The following TTN variants were observed in gnomAD, a reference collection of about 807,000 sequenced individuals.
The protein encoded by TTN is connectin.
A neutral mutation model predicts 3,223.0 loss-of-function variants in TTN; 1,525 were observed. The ratio of observed to expected loss-of-function variants is 0.47; its 90% CI spans 0.45 to 0.49. The LOEUF is 0.49. Ranked by LOEUF, TTN falls within the 20% of genes least tolerant of loss-of-function variation. The pLI is 0.00. For missense variants in TTN, 40,786 were observed against 43,424.0 expected (o/e 0.94, Z 5.40); for synonymous variants, 14,094 against 15,161.0 (o/e 0.93, Z 5.17).
rs1558992830 is a variant in TTN at position 178,531,030 on chromosome 2, A to G, written c.105585T>C (p.Asp35195=). Residue 35195 remains aspartate (D), a synonymous_variant, in exon 358 of 363, where the codon GAT becomes GAC. Transcript: ENST00000589042. ...CTACCACCACGCTGTAATTGCCCTC[A>G]TCGGAAGCCTGGACTGAAGAGATCT... The part of the protein sequence containing the change: ...TFEISSVQAS[D]EGNYSVVVEN... 2.5e-6 allele frequency: 4 copies of G among 1,613,870 alleles called. No individual in the cohort carries two copies. The highest frequency in any genetic ancestry group is 1.6e-4 in the Middle Eastern group (1 of 6,062).
chr2:178,775,648 A>G lies in TTN; in HGVS notation c.6216T>C (p.Ser2072=). The G allele has an allele frequency of 1.2e-6, 2 of 1,614,058 alleles. No individual in the cohort carries two copies. Among genetic ancestry groups the G allele is most frequent in the Non-Finnish European group, 1.7e-6 (2 of 1,179,984 alleles). ...PTFKPDKIEL[S]PSMEAPKIFE... is the part of the protein sequence containing the mutation. The stretch of plus-strand genomic sequence containing the variant: ...AGATTTTTGGAGCCTCCATACTAGG[A>G]CTTAGTTCAATCTTGTCAGGTTTAA... Residue 2072 remains serine (S), a synonymous_variant, in exon 28 of 363, where the codon AGT becomes AGC. Transcript: ENST00000589042.
chr2:178,535,617 G>C lies in TTN; in HGVS notation c.100998C>G (p.Phe33666Leu), dbSNP rs752263533. The C allele has an allele frequency of 3.9e-5, 63 of 1,613,640 alleles. No individual in the cohort carries two copies. The highest frequency in any genetic ancestry group is 1.1e-4 in the South Asian group (10 of 91,080). ...PNGVERKDAGFYVVCAKNRFG... is the reference protein window; with the variant it reads ...PNGVERKDAGLYVVCAKNRFG... ...ATCTGTTTTTAGCACAGACCACATA[G>C]AAACCAGCATCTTTTCTCTCTACCC... is the stretch of plus-strand genomic sequence containing the variant. The change falls in exon 358 of 363, where the codon TTC becomes TTG. Residue 33666 changes from phenylalanine to leucine, a missense_variant. Coordinates refer to ENST00000589042, the MANE Select transcript of TTN (RefSeq NM_001267550.2).
rs1291703322 is a variant in TTN at position 178,776,104 on chromosome 2, C to T, written c.5760G>A (p.Val1920=). 2.5e-6 allele frequency: 4 copies of T among 1,614,156 alleles called. No individual in the cohort carries two copies. Among genetic ancestry groups the T allele is most frequent in the Non-Finnish European group, 3.4e-6 (4 of 1,179,996 alleles). Residue 1920 remains valine, a synonymous_variant, in exon 28 of 363, where the codon GTG becomes GTA. Transcript: ENST00000589042. ...VKVTAENPEG[V]IEHKVKLEIQ... is the part of the protein sequence containing the mutation. Reference sequence around the variant, plus strand: ...TCTCAAGCTTCACTTTATGCTCTATCACACCTTCAGGATTTTCCGCGGTGA... The same window carrying T: ...TCTCAAGCTTCACTTTATGCTCTATTACACCTTCAGGATTTTCCGCGGTGA...
chr2:178,729,599 C>T, intron 63 of TTN, 33 bp from the exon 64 acceptor site: 1 of 1,612,624 alleles, frequency 6.2e-7, no homozygotes, highest in Non-Finnish European at 8.5e-7. Context: ...GTAGCTTACT[C>T]AAGGGAAGAC....
chr2:178,573,318 AT>A lies in TTN; in HGVS notation c.72813del (p.Lys24271AsnfsTer10). The A allele has an allele frequency of 6.4e-7, 1 of 1,567,750 alleles. No homozygotes were observed. The highest frequency in any genetic ancestry group is 8.6e-7 in the Non-Finnish European group (1 of 1,157,790). On this transcript the variant is annotated frameshift_variant, in exon 326 of 363. Transcript: ENST00000589042. LOFTEE classifies it high-confidence loss of function. ...AAATCAGTAAGAGTTTTTTTGTTGCATTTAATCCAGCGTTGGCCAGCTTTAT... is the reference window on the plus strand; with the variant it reads ...AAATCAGTAAGAGTTTTTTTGTTGCATTAATCCAGCGTTGGCCAGCTTTAT... The part of the protein sequence containing the change: ...RRDKAGQRWI[K>X]CNKKTLTDLR...
chr2:178,642,112 C>T, intron 219 of TTN, 125 bp downstream of exon 219: 1 of 709,716 alleles, frequency 1.4e-6, no homozygotes, highest in South Asian at 3.6e-5. Context: ...AATGAAACTA[C>T]AAACAAATTT....
intron 1 of TTN, among the ~76,000 whole-genome samples, chr2:178,806,510 A>AGAT (rs1279708606): frequency 2.0e-5 from 3 of 152,254 alleles, no homozygotes; most frequent in African/African-American, 7.2e-5. Context: ...ATGCATGAAG[A>AGAT]GATTCTGAAT....
At position 178,647,420 on chromosome 2, in the gene TTN, C is replaced by G. The variant is rs1006642777; in HGVS notation, c.40102G>C (p.Val13368Leu). Residue 13368 changes from valine to leucine, a missense_variant, in exon 214 of 363, where the codon GTG (valine) becomes CTG (leucine). Val to Leu is a conservative substitution (Grantham distance 32). Transcript: ENST00000589042. ...EKIIPEKEVS[V>L]PIPAEPEVPP... is the part of the protein sequence containing the mutation. ...ACTTCTGGCTCTGCAGGGATAGGCA[C>G]AGACACTTCCTTTTCTGGGATGATT... The G allele has an allele frequency of 1.3e-6, 2 of 1,549,648 alleles. No homozygotes were observed. Among genetic ancestry groups the G allele is most frequent in the Non-Finnish European group, 1.7e-6 (2 of 1,146,492 alleles).
In TTN at chr2:178,689,093, T is replaced by A; in HGVS notation, c.32055A>T (p.Ala10685=). The stretch of plus-strand genomic sequence containing the variant: ...CTTTCTTAGCGACAGGAACTGGCAC[T>A]GCAACTTTCTCCTCTGGGACGGGTT... ...PKKPVPEEKV[A]VPVPVAKKAP... The change falls in exon 125 of 363, where the codon GCA becomes GCT. Residue 10685 remains alanine, a synonymous_variant. Transcript: ENST00000589042. 2 of 1,610,272 alleles carry A rather than the reference T, an allele frequency of 1.2e-6. No individual in the cohort carries two copies. Among genetic ancestry groups the A allele is most frequent in the Non-Finnish European group, 1.7e-6 (2 of 1,179,138 alleles).
Position 178,547,841 on chromosome 2 carries a change from A to T in TTN, c.93785T>A (p.Val31262Glu). 1.2e-6 allele frequency: 2 copies of T among 1,613,736 alleles called. No homozygotes were observed. The highest frequency in any genetic ancestry group is 1.7e-6 in the Non-Finnish European group (2 of 1,179,816). Reference sequence around the variant, plus strand: ...TCTGTCTTTTGTTGTTGTAATGCTCACTCGATCTGTCTCTTTAAGTCTCAT... The same window carrying T: ...TCTGTCTTTTGTTGTTGTAATGCTCTCTCGATCTGTCTCTTTAAGTCTCAT... The part of the protein sequence containing the change: ...EEMRLKETDR[V>E]SITTTKDRTT... The change falls in exon 339 of 363, where the codon GTG (valine) becomes GAG (glutamate). Residue 31262 changes from valine to glutamate, a missense_variant. Transcript: ENST00000589042.
At chr2:178,709,937 C>G in intron 98 of TTN, 81 bp from the exon 99 acceptor site, 1 of 1,417,092 alleles carries the variant, frequency 7.1e-7, no homozygotes, top group Non-Finnish European at 9.5e-7. Flanking sequence ...AAAAAACCCT[C>G]ATATTTTTAG....
In TTN at chr2:178,647,067, C is replaced by T; in HGVS notation, c.40219G>A (p.Glu13407Lys). 8.3e-7 allele frequency: 1 copy of T among 1,208,416 alleles called. No individual in the cohort carries two copies. The highest frequency in any genetic ancestry group is 1.1e-6 in the Non-Finnish European group (1 of 916,442). 74.9% of individuals were successfully genotyped at this position (1,208,416 alleles called of 1,614,324 possible). Residue 13407 changes from glutamate to lysine, a missense_variant, in exon 215 of 363, where the codon GAA (glutamate) becomes AAA (lysine). By Grantham distance (56) the Glu-to-Lys change is moderately conservative. Coordinates refer to ENST00000589042, the MANE Select transcript of TTN (RefSeq NM_001267550.2). ...ATATATATATATATATATATACCTT[C>T]AACAGGGGGAGTCTCTTTTCTACCA... is the stretch of plus-strand genomic sequence containing the variant. ...TIGRKETPPV[E>K]EREIEKYIKP...
rs764421567 is a variant in TTN at position 178,597,829 on chromosome 2, A to G, written c.57263-10T>C. The G allele has an allele frequency of 1.1e-5, 18 of 1,612,648 alleles. No individual in the cohort carries two copies. The highest frequency in any genetic ancestry group is 1.5e-5 in the Non-Finnish European group (18 of 1,179,458). ...TGAAGGTCAGGTGAAACTGGAAGCA[A>G]TTGAAAATTACAAATGTGATTTTTC... On this transcript the variant is annotated splice_polypyrimidine_tract_variant and intron_variant, in intron 293 of 362. Coordinates refer to ENST00000589042, the MANE Select transcript of TTN (RefSeq NM_001267550.2).
Position 178,695,957 on chromosome 2 carries a change from T to C in TTN, c.31115A>G (p.Glu10372Gly). 6.5e-7 allele frequency: 1 copy of C among 1,535,368 alleles called. No individual in the cohort carries two copies. Among genetic ancestry groups the C allele is most frequent in the Non-Finnish European group, 8.8e-7 (1 of 1,140,514 alleles). The stretch of plus-strand genomic sequence containing the variant: ...CCCTTCGTCATAGCCTTCTTCCCTT[T>C]CATAGTATTCTTGCCCTTCTTCAAA... ...EDFEEGQEYY[E>G]REEGYDEGEE... The change falls in exon 114 of 363, where the codon GAA (glutamate) becomes GGA (glycine). Residue 10372 changes from glutamate to glycine, a missense_variant. Transcript: ENST00000589042.
chr2:178,540,696 T>TG (rs1350027996), intron 350 of TTN, among the ~76,000 whole-genome samples: 1 of 152,050 alleles, frequency 6.6e-6, no homozygotes, highest in Non-Finnish European at 1.5e-5. Flanking sequence ...CTCAGGAGGC[T>TG]GAGGCAGAAG....
chr2:178,587,093 A>G, intron 307 of TTN, 25 bp downstream of exon 307: 3 of 1,611,742 alleles, frequency 1.9e-6, no homozygotes, highest in Admixed American at 3.3e-5. Context: ...TGGGGTTAAA[A>G]GGAGGAAGAA....
chr2:178,678,938 T>C lies in TTN; in HGVS notation c.33743-108A>G, dbSNP rs1305565841. The C allele has an allele frequency of 6.7e-6, 6 of 896,640 alleles. No individual in the cohort carries two copies. In the East Asian group the frequency reaches 1.7e-4, roughly 25 times the overall value. 55.5% of individuals were successfully genotyped at this position (896,640 alleles called of 1,614,324 possible). A position where few individuals can be genotyped will look rare whatever the true frequency, so the allele number is the denominator to read the frequency against. Reference sequence around the variant, plus strand: ...GAAGCAGCATAGATATTCTATCAATTTCACTTTAAGACTGAAAATTATAAT... The same window carrying C: ...GAAGCAGCATAGATATTCTATCAATCTCACTTTAAGACTGAAAATTATAAT... On this transcript the variant is annotated intron_variant, in intron 142 of 362. Transcript: ENST00000589042.
intron 330 of TTN, chr2:178,555,881 A>G (rs1417499709): frequency 6.6e-6 from 1 of 152,266 alleles, no homozygotes; most frequent in Non-Finnish European, 1.5e-5. Flanking sequence ...TTTTCAAAAC[A>G]TTGTTGAGTT....
intron 47 of TTN, among the ~76,000 whole-genome samples, chr2:178,743,137 C>T (rs918376229): frequency 6.6e-6 from 1 of 151,954 alleles, no homozygotes; most frequent in Non-Finnish European, 1.5e-5. Flanking sequence ...AGTTAAAATA[C>T]CCTTACTCAC....
Sources: allele counts gnomAD v4.1 joint callset (sites outside exome capture counted in the v4.1 genomes callset), GRCh38; gene constraint gnomAD v4.1.1; transcripts MANE v1.5; gene names NCBI Gene and HGNC (gene_info 2026-07-23, HGNC 2026-07-21).